The following ARID4B variants were observed in gnomAD, a reference collection of about 807,000 sequenced individuals.
The protein encoded by ARID4B is AT-rich interaction domain 4B.
A neutral mutation model predicts 147.5 loss-of-function variants in ARID4B; 26 were observed. The observed-to-expected ratio is 0.18, with a 90% CI of 0.13 to 0.24. The LOEUF (loss-of-function observed/expected upper bound fraction) is 0.24. Ranked by LOEUF, ARID4B falls within the 10% of genes least tolerant of loss-of-function variation. The probability of loss-of-function intolerance (pLI) is 1.00; values close to 1 mark genes in which losing one functional copy is unlikely to be tolerated. For synonymous variants in ARID4B, 512 were observed against 507.9 expected, an observed-to-expected ratio of 1.01 and a Z score of -0.11; for missense variants, 1,179 against 1,511.5, an observed-to-expected ratio of 0.78 and a Z score of 3.65.
At chr1:235,320,654 A>G (rs117556703) in intron 2 of ARID4B, among the ~76,000 whole-genome samples, 3 of 152,310 alleles carry the variant, frequency 2.0e-5, no homozygotes, top group African/African-American at 4.8e-5. Context: ...ACCATGTCCT[A>G]TAAGGCCCTA....
intron 2 of ARID4B, among the ~76,000 whole-genome samples, chr1:235,299,428 T>TG (rs1672974730): frequency 6.6e-6 from 1 of 152,136 alleles, no homozygotes; most frequent in Non-Finnish European, 1.5e-5. Context: ...CCTGACCTTG[T>TG]TATCCACCCA....
At position 235,179,525 on chromosome 1, in the gene ARID4B, C is replaced by CAAAAAAA. The variant is rs61143006; in HGVS notation, c.3335-1619_3335-1613dup. Among the ~76,000 whole-genome samples the CAAAAAAA allele has an allele frequency of 8.5e-4, 41 of 48,346 alleles. 1 individual carries two copies. Among genetic ancestry groups the CAAAAAAA allele is most frequent in the South Asian group, 2.7e-3 (2 of 736 alleles). The allele number at this position is 48,346 out of a possible 152,430, so 31.7% of individuals were successfully genotyped here. Reference sequence around the variant, plus strand: ...GCAACAAGAGCAAAACTCTATGTCTCAAAAAAAAAAAAAAAAAAAAAAAAA... The same window carrying CAAAAAAA: ...GCAACAAGAGCAAAACTCTATGTCTCAAAAAAAAAAAAAAAAAAAAAAAAAAAAAAAA... On this transcript the variant is annotated intron_variant, in intron 20 of 23. Coordinates refer to ENST00000264183, the MANE Select transcript of ARID4B (RefSeq NM_016374.6).
chr1:235,298,899 C>A (rs1672937240), intron 2 of ARID4B, among the ~76,000 whole-genome samples: 1 of 113,814 alleles, frequency 8.8e-6, no homozygotes, highest in South Asian at 2.4e-4. Context: ...AGAGGCATTT[C>A]ATTCATTAAA....
At chr1:235,305,137 A>C (rs1236301810) in intron 2 of ARID4B, among the ~76,000 whole-genome samples, 1 of 152,226 alleles carries the variant, frequency 6.6e-6, no homozygotes. Flanking sequence ...GATACTTATA[A>C]GTGAAAGAGG....
At chr1:235,261,885 A>C (rs1670315008) in intron 2 of ARID4B, among the ~76,000 whole-genome samples, 1 of 152,222 alleles carries the variant, frequency 6.6e-6, no homozygotes, top group Non-Finnish European at 1.5e-5. Context: ...CTAACATCCC[A>C]GGACGTTCCA....
At chr1:235,323,677 A>G (rs983382532) in intron 2 of ARID4B, among the ~76,000 whole-genome samples, 1 of 151,724 alleles carries the variant, frequency 6.6e-6, no homozygotes, top group Non-Finnish European at 1.5e-5. Context: ...CCAGTTACTC[A>G]GGAGGCTGAG....
intron 2 of ARID4B, among the ~76,000 whole-genome samples, chr1:235,303,666 C>T (rs1673346086): frequency 6.6e-6 from 1 of 152,160 alleles, no homozygotes; most frequent in African/African-American, 2.4e-5. Flanking sequence ...GGGTTCAAGG[C>T]TGCAGTGAGC....
intron 6 of ARID4B, among the ~76,000 whole-genome samples, chr1:235,248,733 A>G (rs10495363): frequency 0.04 from 6,034 of 152,302 alleles, 450 homozygotes; most frequent in African/African-American, 0.14. Context: ...TCCCTAGTAC[A>G]TAACAAGAAG....
intron 2 of ARID4B, among the ~76,000 whole-genome samples, chr1:235,285,082 T>A (rs1263529024): frequency 6.6e-6 from 1 of 152,080 alleles, no homozygotes; most frequent in Admixed American, 6.6e-5. Context: ...CCCAGCTGAC[T>A]TTTTTTAAAA....
chr1:235,231,021 G>T lies in ARID4B; in HGVS notation c.742+92C>A, dbSNP rs1313359216. The T allele has an allele frequency of 3.3e-5, 29 of 887,660 alleles. No individual in the cohort carries two copies. The South Asian group carries it at 4.5e-4, about 14-fold the overall frequency. 55.0% of individuals were successfully genotyped at this position (887,660 alleles called of 1,614,324 possible). On this transcript the variant is annotated intron_variant, in intron 10 of 23. Coordinates refer to ENST00000264183, the MANE Select transcript of ARID4B (RefSeq NM_016374.6). Reference sequence around the variant, plus strand: ...TATAACCATAAAAACATAATTTAAAGAAAAATTTTAAAGAGCAAAGAAAAA... The same window carrying T: ...TATAACCATAAAAACATAATTTAAATAAAAATTTTAAAGAGCAAAGAAAAA...
chr1:235,288,687 C>T (rs1672139327), intron 2 of ARID4B, among the ~76,000 whole-genome samples: 1 of 152,214 alleles, frequency 6.6e-6, no homozygotes, highest in Non-Finnish European at 1.5e-5. Context: ...CATATTCATG[C>T]CAGCTTCCTT....
chr1:235,269,686 ATCTC>A (rs904069409), intron 2 of ARID4B, among the ~76,000 whole-genome samples: 5 of 152,170 alleles, frequency 3.3e-5, no homozygotes, highest in African/African-American at 9.7e-5. Context: ...CTGTGTATAT[ATCTC>A]TCTCTGTGTA....
At chr1:235,292,241 C>T (rs1246654660) in intron 2 of ARID4B, among the ~76,000 whole-genome samples, 1 of 152,172 alleles carries the variant, frequency 6.6e-6, no homozygotes, top group Non-Finnish European at 1.5e-5. Flanking sequence ...TTTGCATCCT[C>T]AATATTCTGG....
intron 16 of ARID4B, among the ~76,000 whole-genome samples, chr1:235,216,595 G>C (rs1415656479): frequency 2.0e-5 from 3 of 151,948 alleles, no homozygotes; most frequent in Admixed American, 6.6e-5. Context: ...CGCCTGCCTG[G>C]GCCTCCCGAA....
intron 2 of ARID4B, among the ~76,000 whole-genome samples, chr1:235,324,159 G>A (rs971590534): frequency 2.0e-5 from 3 of 151,734 alleles, no homozygotes; most frequent in Non-Finnish European, 4.4e-5. Context: ...CTCCTACCTC[G>A]GCCTCCCAAA....
At chr1:235,311,245 C>G (rs933874695) in intron 2 of ARID4B, among the ~76,000 whole-genome samples, 1 of 151,604 alleles carries the variant, frequency 6.6e-6, no homozygotes, top group Non-Finnish European at 1.5e-5. Flanking sequence ...CCCAACTACT[C>G]GAGAGGCTGA....
chr1:235,297,305 A>C (rs944936999), intron 2 of ARID4B, among the ~76,000 whole-genome samples: 1 of 152,192 alleles, frequency 6.6e-6, no homozygotes, highest in Non-Finnish European at 1.5e-5. Context: ...AAGAAAGAAG[A>C]AAAATTTACT....
intron 2 of ARID4B, among the ~76,000 whole-genome samples, chr1:235,262,764 C>G (rs1670368300): frequency 1.3e-5 from 2 of 151,840 alleles, no homozygotes; most frequent in Admixed American, 1.3e-4. Flanking sequence ...CTCAGGAGTT[C>G]AAGATCAGCC....
intron 13 of ARID4B, among the ~76,000 whole-genome samples, chr1:235,222,387 T>C (rs1314501485): frequency 2.0e-5 from 3 of 152,246 alleles, no homozygotes; most frequent in Non-Finnish European, 2.9e-5. Flanking sequence ...TTTTATTCCA[T>C]AGAATATTCT....
Sources: gnomAD v4.1 joint callset for allele counts (sites outside exome capture counted in the v4.1 genomes callset) on GRCh38, gnomAD v4.1.1 for gene constraint, MANE v1.5 for transcripts, NCBI Gene and HGNC (gene_info 2026-07-23, HGNC 2026-07-21) for gene names.